The following MORN5 variants were observed in gnomAD, a reference collection of about 807,000 sequenced individuals.
The protein encoded by MORN5 is MORN repeat containing 5.
MORN5 carries 21 observed loss-of-function variants against 22.1 expected under a neutral mutation model. The ratio of observed to expected loss-of-function variants is 0.95; its 90% confidence interval spans 0.67 to 1.37. The LOEUF (loss-of-function observed/expected upper bound fraction) is 1.37. Among genes scored for constraint, MORN5 ranks in the 40% most tolerant of loss-of-function variants. MORN5 has a pLI of 0.00. For synonymous variants in MORN5, 73 were observed against 74.0 expected (o/e 0.99, Z 0.07); for missense variants, 211 against 215.1 (o/e 0.98, Z 0.12).
chr9:122,194,481 C>T (rs551154039), intron 4 of MORN5, among the ~76,000 whole-genome samples: 12 of 152,078 alleles, frequency 7.9e-5, no homozygotes, highest in African/African-American at 2.2e-4. Context: ...TGAGTGGAGG[C>T]GGTTAGATTA....
intron 1 of MORN5, among the ~76,000 whole-genome samples, chr9:122,163,557 T>A (rs1829232716): frequency 6.6e-6 from 1 of 152,182 alleles, no homozygotes; most frequent in Admixed American, 6.6e-5. Flanking sequence ...AGAATTCTTT[T>A]TCTAGAAGTT....
intron 4 of MORN5, among the ~76,000 whole-genome samples, chr9:122,193,454 G>A (rs575070248): frequency 9.6e-4 from 146 of 152,238 alleles, no homozygotes; most frequent in African/African-American, 3.1e-3. Context: ...GCGTGGTGGC[G>A]CATGCCTGTA....
rs184955271 is a variant in MORN5, at chr9:122,178,546, G to C, written c.439+3919G>C. On this transcript the variant is annotated intron_variant, in intron 4 of 4. Coordinates refer to ENST00000373764, the MANE Select transcript of MORN5 (RefSeq NM_198469.4). ...AATAAATAGAAAGATAGATGACATA[G>C]ATACAGATAGACATACACATACAAG... Among the ~76,000 whole-genome samples the C allele has an allele frequency of 9.7e-4, 148 of 152,276 alleles. No individual in the cohort carries two copies. The East Asian group carries it at 0.028, about 28-fold the overall frequency.
chr9:122,185,537 T>C (rs1400125435), intron 4 of MORN5, among the ~76,000 whole-genome samples: 1 of 140,958 alleles, frequency 7.1e-6, no homozygotes, highest in Non-Finnish European at 1.5e-5. Flanking sequence ...ATTTTTTGTA[T>C]TTTTAGTAGA....
intron 4 of MORN5, among the ~76,000 whole-genome samples, chr9:122,198,958 A>G (rs899491752): frequency 6.6e-6 from 1 of 152,238 alleles, no homozygotes; most frequent in Non-Finnish European, 1.5e-5. Flanking sequence ...TTACAGAGCA[A>G]CATGCATTTT....
chr9:122,178,015 A>G lies in MORN5; in HGVS notation c.439+3388A>G, dbSNP rs970864317. ...ACAAGCTCCTGCCAATAATCCTTCT[A>G]TAAAATAACAAGGATAAAAGAGGAA... On this transcript the variant is annotated intron_variant, in intron 4 of 4. Transcript: ENST00000373764. 2.0e-5 allele frequency among the ~76,000 whole-genome samples: 3 copies of G among 152,234 alleles called. No individual in the cohort carries two copies. In the East Asian group the frequency reaches 5.8e-4, roughly 29 times the overall value.
chr9:122,192,488 A>G (rs4384053), intron 4 of MORN5, among the ~76,000 whole-genome samples: 1 of 152,226 alleles, frequency 6.6e-6, no homozygotes, highest in East Asian at 1.9e-4. Context: ...AAGAGCTGAT[A>G]TTTCCTTGCA....
chr9:122,165,461 A>G lies in MORN5; in HGVS notation c.48-1307A>G, dbSNP rs1029994922. Among the ~76,000 whole-genome samples, 34 of 151,632 alleles carry G rather than the reference A, an allele frequency of 2.2e-4. 1 individual carries two copies. Among genetic ancestry groups the G allele is most frequent in the Admixed American group, 1.8e-3 (28 of 15,212 alleles). On this transcript the variant is annotated intron_variant, in intron 1 of 4. Coordinates refer to ENST00000373764, the MANE Select transcript of MORN5 (RefSeq NM_198469.4). Reference sequence around the variant, plus strand: ...GTGGTGGGGCACACCTGTGGTTCCAACTACTTGGGAGGCTGAGGTGGGAGG... The same window carrying G: ...GTGGTGGGGCACACCTGTGGTTCCAGCTACTTGGGAGGCTGAGGTGGGAGG...
At chr9:122,179,256 G>A (rs964751481) in intron 4 of MORN5, among the ~76,000 whole-genome samples, 26 of 152,302 alleles carry the variant, frequency 1.7e-4, no homozygotes, top group Middle Eastern at 3.4e-3. Flanking sequence ...AGAGATGGGC[G>A]GGGTGAGGAC....
At chr9:122,188,200 G>A (rs1829680453) in intron 4 of MORN5, among the ~76,000 whole-genome samples, 1 of 152,200 alleles carries the variant, frequency 6.6e-6, no homozygotes. Context: ...AGTAAAGACG[G>A]GAGTTGCAGA....
At chr9:122,167,353 C>CTCTT (rs1829302225) in intron 2 of MORN5, among the ~76,000 whole-genome samples, 1 of 104,550 alleles carries the variant, frequency 9.6e-6, no homozygotes, top group Non-Finnish European at 1.9e-5. Context: ...CGCACCTGAC[C>CTCTT]TTTTTTTTTT....
chr9:122,189,598 T>C (rs1375616846), intron 4 of MORN5, among the ~76,000 whole-genome samples: 3 of 151,988 alleles, frequency 2.0e-5, no homozygotes, highest in African/African-American at 7.3e-5. Context: ...CCCCTGTCTA[T>C]AAAAATTTTT....
At chr9:122,183,785 G>A (rs928364019) in intron 4 of MORN5, among the ~76,000 whole-genome samples, 13 of 152,298 alleles carry the variant, frequency 8.5e-5, no homozygotes, top group Middle Eastern at 3.4e-3. Flanking sequence ...CCGCTTAATC[G>A]TGCTGCTCTT....
At chr9:122,186,022 C>T (rs111314883) in intron 4 of MORN5, among the ~76,000 whole-genome samples, 92 of 152,298 alleles carry the variant, frequency 6.0e-4, no homozygotes, top group Middle Eastern at 3.4e-3. Flanking sequence ...GCTTTATCTG[C>T]GGTGTTGTTA....
chr9:122,160,542 TTTCC>T (rs59540708), intron 1 of MORN5, among the ~76,000 whole-genome samples: 9,440 of 151,398 alleles, frequency 0.062, 979 homozygotes, highest in African/African-American at 0.22. Context: ...TTTCTTTTCT[TTTCC>T]TTCCTTCCTT....
intron 4 of MORN5, among the ~76,000 whole-genome samples, chr9:122,195,752 C>A (rs1829873563): frequency 6.6e-6 from 1 of 152,164 alleles, no homozygotes; most frequent in Admixed American, 6.5e-5. Flanking sequence ...ATACTGTACT[C>A]TTTGAAAGTC....
At chr9:122,199,311 TG>T (rs1277981954) in intron 4 of MORN5, among the ~76,000 whole-genome samples, 2 of 152,192 alleles carry the variant, frequency 1.3e-5, no homozygotes, top group African/African-American at 4.8e-5. Context: ...ATTGCGTGGT[TG>T]GTCACGAAGA....
At chr9:122,196,979 G>A (rs1829907472) in intron 4 of MORN5, among the ~76,000 whole-genome samples, 1 of 152,052 alleles carries the variant, frequency 6.6e-6, no homozygotes, top group Non-Finnish European at 1.5e-5. Flanking sequence ...ACAATGCCTG[G>A]CACATAATTA....
rs1190954833 is a variant in MORN5, at chr9:122,197,814, G to A, written c.440-2071G>A. 6.6e-6 allele frequency among the ~76,000 whole-genome samples: 1 copy of A among 152,220 alleles called. No homozygotes were observed. The highest frequency in any genetic ancestry group is 1.5e-5 in the Non-Finnish European group (1 of 68,040). On this transcript the variant is annotated intron_variant, in intron 4 of 4. Coordinates refer to ENST00000373764, the MANE Select transcript of MORN5 (RefSeq NM_198469.4). The surrounding 1 kb of genome is among the most constrained non-coding windows in gnomAD (Gnocchi z 5.7). ...CCAGGCTGCTCACAGTGTGGCAAAA[G>A]TGGGCTCCACCAGCGCTTAACTCCT...
Sources: allele counts gnomAD v4.1 joint callset (sites outside exome capture counted in the v4.1 genomes callset), GRCh38; gene constraint gnomAD v4.1.1; non-coding constraint Gnocchi (gnomAD v3.1); transcripts MANE v1.5; gene names NCBI Gene and HGNC (gene_info 2026-07-23, HGNC 2026-07-21).